Variants in ANKDD1B observed in about 807,000 individuals in gnomAD.
ANKDD1B encodes the protein ankyrin repeat and death domain-containing protein 1B.
A neutral mutation model predicts 59.7 loss-of-function variants in ANKDD1B; 57 were observed. That is an observed-to-expected ratio of 0.95 (90% CI 0.77 to 1.19). ANKDD1B has a LOEUF of 1.19. Ranked by LOEUF, ANKDD1B falls within the 50% of genes most tolerant of loss-of-function variation. The pLI is 0.00. For synonymous variants in ANKDD1B, 216 were observed against 239.5 expected, an observed-to-expected ratio of 0.90 and a Z score of 0.91; for missense variants, 602 against 641.9, an observed-to-expected ratio of 0.94 and a Z score of 0.67.
chr5:75,651,763 TAGTC>T (rs1678327019), intron 7 of ANKDD1B, among the ~76,000 whole-genome samples: 1 of 152,220 alleles, frequency 6.6e-6, no homozygotes, highest in South Asian at 2.1e-4. Flanking sequence ...CATAGTGTCT[TAGTC>T]AGCTCAGGCT....
intron 7 of ANKDD1B, among the ~76,000 whole-genome samples, chr5:75,638,387 AT>A (rs1449981360): frequency 6.6e-6 from 1 of 152,138 alleles, no homozygotes; most frequent in African/African-American, 2.4e-5. Context: ...ATGTTTGTCC[AT>A]TTGTGGGCTG....
At chr5:75,634,835 T>A in intron 5 of ANKDD1B, 63 bp from the exon 6 acceptor site, 1 of 1,059,784 alleles carries the variant, frequency 9.4e-7, no homozygotes, top group Non-Finnish European at 1.4e-6. Context: ...GCTAGCTTTG[T>A]CCATTGTCTT....
At chr5:75,637,987 G>C (rs73122772) in intron 7 of ANKDD1B, among the ~76,000 whole-genome samples, 13,687 of 152,138 alleles carry the variant, frequency 0.09, 1,503 homozygotes, top group African/African-American at 0.26. Flanking sequence ...TACCCACCTG[G>C]TTGACTGAGC....
At chr5:75,658,618 C>T (rs557185278) in intron 9 of ANKDD1B, among the ~76,000 whole-genome samples, 1 of 152,170 alleles carries the variant, frequency 6.6e-6, no homozygotes, top group Non-Finnish European at 1.5e-5. Flanking sequence ...ATCCCTTCAT[C>T]TAGACCTTAT....
In ANKDD1B at chr5:75,611,797, G is replaced by A. The variant is rs1773565538; in HGVS notation, c.163G>A (p.Glu55Lys). 8.1e-7 allele frequency: 1 copy of A among 1,232,108 alleles called. No individual in the cohort carries two copies. 76.3% of individuals were successfully genotyped at this position (1,232,108 alleles called of 1,614,324 possible). A position where few individuals can be genotyped will look rare whatever the true frequency, so the allele number is the denominator to read the frequency against. The change falls in exon 1 of 14, where the codon GAG becomes AAG. Residue 55 changes from glutamate to lysine, a missense_variant. By Grantham distance (56) the Glu-to-Lys change is moderately conservative (BLOSUM62 1). Around this residue, in one of 3 missense-constraint regions of ANKDD1B, gnomAD observed 317 missense variants for 304.6 expected, o/e 1.04. Transcript: ENST00000601380. ...CCCGAAGCGGGAGGGTCTTGGAGAG[G>A]AGGACACAGCAGTTGCCGGACACGA... ...RIPKREGLGE[E>K]DTAVAGHELL...
intron 5 of ANKDD1B, among the ~76,000 whole-genome samples, chr5:75,632,363 T>G (rs1156693087): frequency 2.0e-5 from 3 of 152,248 alleles, no homozygotes; most frequent in Non-Finnish European, 4.4e-5. Context: ...AGTTTTCAAC[T>G]CTGCTTTTCA....
At chr5:75,643,557 A>C (rs958221344) in intron 7 of ANKDD1B, among the ~76,000 whole-genome samples, 1 of 39,000 alleles carries the variant, frequency 2.6e-5, no homozygotes, top group Non-Finnish European at 4.1e-5. Context: ...AAAAAGAATA[A>C]AAAGAAATGA....
chr5:75,612,353 G>A (rs1188817933), intron 1 of ANKDD1B, among the ~76,000 whole-genome samples: 1 of 39,330 alleles, frequency 2.5e-5, no homozygotes, highest in Non-Finnish European at 5.4e-5. Flanking sequence ...CCCGCCCTCC[G>A]CCCCGCGTGT....
At chr5:75,659,663 C>A (rs1251904819) in intron 10 of ANKDD1B, among the ~76,000 whole-genome samples, 1 of 152,140 alleles carries the variant, frequency 6.6e-6, no homozygotes, top group Non-Finnish European at 1.5e-5. Context: ...AAGGGTTTAA[C>A]AGTAAAAATT....
intron 4 of ANKDD1B, 50 bp from the exon 5 acceptor site, chr5:75,625,801 A>G (rs532326313): frequency 2.4e-5 from 37 of 1,530,444 alleles, no homozygotes; most frequent in South Asian, 8.3e-5. Context: ...TGCAGGAGAG[A>G]GGAAGTTCTG....
intron 7 of ANKDD1B, among the ~76,000 whole-genome samples, chr5:75,651,204 G>A (rs1285624978): frequency 1.3e-5 from 2 of 152,352 alleles, no homozygotes; most frequent in East Asian, 3.9e-4. Context: ...TTGATGAAGG[G>A]AGTGGCAAAG....
At chr5:75,649,357 T>C (rs1275126263) in intron 7 of ANKDD1B, among the ~76,000 whole-genome samples, 3 of 144,254 alleles carry the variant, frequency 2.1e-5, no homozygotes, top group Admixed American at 2.0e-4. Context: ...CTACAAATTG[T>C]TTATAAATAT....
intron 7 of ANKDD1B, among the ~76,000 whole-genome samples, chr5:75,648,625 T>A (rs1007320773): frequency 2.6e-5 from 4 of 152,148 alleles, no homozygotes; most frequent in Admixed American, 6.5e-5. Context: ...CGTGAATCCA[T>A]TTTTTAGCTT....
intron 9 of ANKDD1B, among the ~76,000 whole-genome samples, chr5:75,657,072 C>T (rs1027657769): frequency 6.6e-6 from 1 of 152,222 alleles, no homozygotes; most frequent in Non-Finnish European, 1.5e-5. Context: ...GGGAAAAAAA[C>T]CAATCTCCTT....
Position 75,659,314 on chromosome 5 carries a change from A to G in ANKDD1B, c.1028A>G (p.Asp343Gly), listed in dbSNP as rs1775054886. Residue 343 changes from aspartate (D) to glycine (G), a missense_variant, in exon 10 of 14, where the codon GAT (aspartate) becomes GGT (glycine). Around this residue, in one of 3 missense-constraint regions of ANKDD1B, gnomAD observed 280 missense variants for 319.8 expected, o/e 0.88. Transcript: ENST00000601380. ...CAAACCCCTCTGCATGTAGCTGCTG[A>G]TCGTGGAAATGTGGAACTGGTGGAA... ...KQQTPLHVAA[D>G]RGNVELVETL... is the part of the protein sequence containing the mutation. 3.9e-6 allele frequency: 6 copies of G among 1,535,872 alleles called. No individual in the cohort carries two copies. In the East Asian group the frequency reaches 1.2e-4, roughly 31 times the overall value.
intron 1 of ANKDD1B, among the ~76,000 whole-genome samples, chr5:75,615,060 C>A (rs1773677872): frequency 6.6e-6 from 1 of 151,876 alleles, no homozygotes. Flanking sequence ...CAGACTGGCA[C>A]CATGGAATCT....
In ANKDD1B at chr5:75,625,956, G is replaced by A; in HGVS notation, c.600+1G>A. ...CAAGGACCTGAACCAGCCTGATGAG[G>A]TGTGTTCACTTTGGTTGTGTAGGTC... On this transcript the variant is annotated splice_donor_variant, in intron 5 of 13. Transcript: ENST00000601380. LOFTEE classifies it high-confidence loss of function. The A allele has an allele frequency of 6.5e-7, 1 of 1,533,050 alleles. No individual in the cohort carries two copies. Among genetic ancestry groups the A allele is most frequent in the South Asian group, 1.2e-5 (1 of 83,980 alleles). 95.0% of individuals were successfully genotyped at this position (1,533,050 alleles called of 1,614,324 possible). A position where few individuals can be genotyped will look rare whatever the true frequency, so the allele number is the denominator to read the frequency against.
chr5:75,612,975 C>T (rs1014907522), intron 1 of ANKDD1B, among the ~76,000 whole-genome samples: 6 of 152,116 alleles, frequency 3.9e-5, no homozygotes, highest in African/African-American at 4.8e-5. Context: ...GACTAGAAAG[C>T]GAAAGTTGGT....
At chr5:75,632,241 A>G (rs554652832) in intron 5 of ANKDD1B, among the ~76,000 whole-genome samples, 1 of 152,220 alleles carries the variant, frequency 6.6e-6, no homozygotes, top group Non-Finnish European at 1.5e-5. Context: ...AACCCAAACC[A>G]TACTAAGGAA....
Sources: allele counts gnomAD v4.1 joint callset (sites outside exome capture counted in the v4.1 genomes callset), GRCh38; gene constraint gnomAD v4.1.1; regional missense constraint gnomAD v4.1.1; transcripts MANE v1.5; gene names NCBI Gene and HGNC (gene_info 2026-07-23, HGNC 2026-07-21).